Variants in PTPRD observed in about 807,000 individuals in gnomAD.
The protein encoded by PTPRD is receptor-type tyrosine-protein phosphatase delta.
A neutral mutation model predicts 214.5 loss-of-function variants in PTPRD; 34 were observed. The observed-to-expected ratio is 0.16, with a 90% confidence interval of 0.12 to 0.21. The LOEUF is 0.21. Among genes scored for constraint, PTPRD ranks in the 10% least tolerant of loss-of-function variants. The pLI is 1.00. For synonymous variants in PTPRD, 1,128 were observed against 845.7 expected (o/e 1.33, Z -5.79); for missense variants, 2,545 against 2,398.7 (o/e 1.06, Z -1.27).
intron 25 of PTPRD, among the ~76,000 whole-genome samples, chr9:8,497,473 T>C (rs984922258): frequency 1.3e-5 from 2 of 152,188 alleles, no homozygotes; most frequent in Non-Finnish European, 1.5e-5. Flanking sequence ...GTTACTGTTA[T>C]CACTAAAACC....
At chr9:8,389,855 A>C (rs2135701247) in intron 36 of PTPRD, among the ~76,000 whole-genome samples, 1 of 152,330 alleles carries the variant, frequency 6.6e-6, no homozygotes, top group East Asian at 1.9e-4. Context: ...TTGTAGATTT[A>C]GTTAACAGGA....
chr9:9,254,254 A>G (rs2099976759), intron 9 of PTPRD, among the ~76,000 whole-genome samples: 1 of 152,058 alleles, frequency 6.6e-6, no homozygotes, highest in African/African-American at 2.4e-5. Context: ...GAATTCTATT[A>G]GAACAAAAAT....
Position 10,202,671 on chromosome 9 carries a change from G to GAGATATATATATATATAT in PTPRD, c.-545+138291_-545+138292insATATATATATATATATCT, listed in dbSNP as rs376695815. Among the ~76,000 whole-genome samples the GAGATATATATATATATAT allele has an allele frequency of 3.2e-3, 366 of 113,078 alleles. 6 individuals carry two copies. Among genetic ancestry groups the GAGATATATATATATATAT allele is most frequent in the African/African-American group, 0.012 (340 of 28,158 alleles). The allele number at this position is 113,078 out of a possible 152,430, so 74.2% of individuals were successfully genotyped here. On this transcript the variant is annotated intron_variant, in intron 3 of 45. Transcript: ENST00000381196. ...GATGCCTACTTATAAAAATTATATG[G>GAGATATATATATATATAT]ATATATATATATATATATATATATA...
chr9:9,810,009 G>T (rs966726356), intron 5 of PTPRD, among the ~76,000 whole-genome samples: 1 of 151,550 alleles, frequency 6.6e-6, no homozygotes, highest in Non-Finnish European at 1.5e-5. Flanking sequence ...TCCAATAAAA[G>T]TTATACCAAG....
At chr9:9,154,013 T>C (rs62529507) in intron 10 of PTPRD, among the ~76,000 whole-genome samples, 9,374 of 152,242 alleles carry the variant, frequency 0.062, 396 homozygotes, top group Admixed American at 0.11. Context: ...TCACGTATTT[T>C]GGCCAGTGGA....
At chr9:9,076,716 C>A (rs556812189) in intron 10 of PTPRD, among the ~76,000 whole-genome samples, 1 of 151,768 alleles carries the variant, frequency 6.6e-6, no homozygotes, top group Non-Finnish European at 1.5e-5. Flanking sequence ...CATTAGGTTG[C>A]CTCAAAATCT....
intron 6 of PTPRD, among the ~76,000 whole-genome samples, chr9:9,741,619 T>C (rs2098403668): frequency 6.6e-6 from 1 of 152,132 alleles, no homozygotes; most frequent in East Asian, 1.9e-4. Flanking sequence ...CCCCAAACCC[T>C]GACAGGCCCC....
At chr9:8,726,343 C>T (rs4614053) in intron 12 of PTPRD, among the ~76,000 whole-genome samples, 56,123 of 150,804 alleles carry the variant, frequency 0.37, 12,909 homozygotes, top group Non-Finnish European at 0.51. Context: ...AATCCCAGCA[C>T]TTTGGGAAGC....
At chr9:9,452,589 A>T (rs1042910429) in intron 8 of PTPRD, among the ~76,000 whole-genome samples, 4 of 151,268 alleles carry the variant, frequency 2.6e-5, no homozygotes, top group Non-Finnish European at 5.9e-5. Flanking sequence ...AAAACTTCCC[A>T]TAGCTAACTT....
chr9:8,855,600 G>A (rs989853740), intron 11 of PTPRD, among the ~76,000 whole-genome samples: 5 of 151,728 alleles, frequency 3.3e-5, no homozygotes, highest in Admixed American at 1.3e-4. Flanking sequence ...TATTACTGAG[G>A]GCTATAAGAA....
At chr9:10,260,641 G>C (rs958639815) in intron 3 of PTPRD, among the ~76,000 whole-genome samples, 3 of 152,156 alleles carry the variant, frequency 2.0e-5, no homozygotes, top group Admixed American at 6.5e-5. Context: ...TAGTGTGGTA[G>C]TGAATGTCAC....
chr9:10,227,359 T>G (rs1168754317), intron 3 of PTPRD, among the ~76,000 whole-genome samples: 1 of 151,966 alleles, frequency 6.6e-6, no homozygotes, highest in Non-Finnish European at 1.5e-5. Flanking sequence ...TTGTAAGGGA[T>G]TACAAAAATA....
chr9:10,561,686 T>C (rs532807390), intron 2 of PTPRD, among the ~76,000 whole-genome samples: 5 of 152,252 alleles, frequency 3.3e-5, no homozygotes, highest in East Asian at 3.9e-4. Context: ...TTTTGTGACA[T>C]AATCTTTCTA....
chr9:8,663,177 A>G (rs1194977851), intron 12 of PTPRD, among the ~76,000 whole-genome samples: 7 of 151,202 alleles, frequency 4.6e-5, no homozygotes. Flanking sequence ...TAAATAATAT[A>G]CTTCTTATAA....
intron 9 of PTPRD, among the ~76,000 whole-genome samples, chr9:9,323,814 T>C (rs1690544971): frequency 6.6e-6 from 1 of 152,176 alleles, no homozygotes; most frequent in Admixed American, 6.6e-5. Flanking sequence ...TTACATTAGG[T>C]ATTTCTCCTA....
intron 7 of PTPRD, among the ~76,000 whole-genome samples, chr9:9,727,848 A>G (rs529786407): frequency 3.3e-5 from 5 of 152,302 alleles, no homozygotes; most frequent in African/African-American, 1.2e-4. Flanking sequence ...GTTGAACTCC[A>G]CATGTAGGAA....
intron 11 of PTPRD, among the ~76,000 whole-genome samples, chr9:9,010,079 T>C (rs560932961): frequency 6.6e-6 from 1 of 152,156 alleles, no homozygotes; most frequent in Non-Finnish European, 1.5e-5. Context: ...CAATTGTGAA[T>C]GGTTAGAAAA....
intron 3 of PTPRD, among the ~76,000 whole-genome samples, chr9:10,227,197 A>G (rs2154353320): frequency 6.6e-6 from 1 of 152,122 alleles, no homozygotes; most frequent in South Asian, 2.1e-4. Context: ...CTTGTTTACT[A>G]TTACTGTCAT....
chr9:9,352,199 C>G (rs2051491727), intron 9 of PTPRD, among the ~76,000 whole-genome samples: 1 of 151,734 alleles, frequency 6.6e-6, no homozygotes, highest in South Asian at 2.1e-4. Context: ...CACTTTTTAA[C>G]AATTGTATAG....
Sources: gnomAD v4.1 joint callset for allele counts (sites outside exome capture counted in the v4.1 genomes callset) on GRCh38, gnomAD v4.1.1 for gene constraint, MANE v1.5 for transcripts, NCBI Gene and HGNC (gene_info 2026-07-23, HGNC 2026-07-21) for gene names.